Variants in SNX29 observed in about 807,000 individuals in gnomAD.
SNX29 encodes the protein sorting nexin 29.
Under a neutral mutation model 102.1 loss-of-function variants are expected in SNX29, and 78 were observed. The ratio of observed to expected loss-of-function variants is 0.76; its 90% CI spans 0.64 to 0.92. The LOEUF (loss-of-function observed/expected upper bound fraction) is 0.92, where lower values mean the gene tolerates loss of function less well. Among genes scored for constraint, SNX29 ranks in the 40% least tolerant of loss-of-function variants. SNX29 has a pLI of 0.00. For synonymous variants in SNX29, 580 were observed against 414.5 expected (o/e 1.40, Z -4.85); for missense variants, 1,280 against 1,061.7 (o/e 1.21, Z -2.86).
At chr16:12,346,070 A>C (rs1009467124) in intron 15 of SNX29, among the ~76,000 whole-genome samples, 1 of 148,654 alleles carries the variant, frequency 6.7e-6, no homozygotes, top group South Asian at 2.1e-4. Flanking sequence ...TAGTTTGTAA[A>C]TGTTATTGAA....
intron 20 of SNX29, among the ~76,000 whole-genome samples, chr16:12,564,348 T>C (rs2078899629): frequency 6.6e-6 from 1 of 152,208 alleles, no homozygotes; most frequent in African/African-American, 2.4e-5. Flanking sequence ...CATTTCAGGA[T>C]GTCAAAGGAG....
At position 12,571,665 on chromosome 16, in the gene SNX29, G is replaced by T; in HGVS notation, c.*3036G>T. 1 of 1,059,320 alleles carries T rather than the reference G, an allele frequency of 9.4e-7. No homozygotes were observed. Among genetic ancestry groups the T allele is most frequent in the East Asian group, 5.2e-5 (1 of 19,318 alleles). 65.6% of individuals were successfully genotyped at this position (1,059,320 alleles called of 1,614,324 possible). ...TGAAAGACGACTCAGGAACGGTAGG[G>T]CTGGGCAGAGGTGTCTCTCCTTGAG... On this transcript the variant is annotated 3_prime_UTR_variant, in exon 21 of 21. Transcript: ENST00000566228.
chr16:12,142,789 C>A (rs550210007), intron 13 of SNX29, among the ~76,000 whole-genome samples: 1 of 152,106 alleles, frequency 6.6e-6, no homozygotes, highest in South Asian at 2.1e-4. Context: ...TCTCAAACTC[C>A]TGACCTCAGG....
chr16:12,216,699 C>T (rs1156743214), intron 14 of SNX29, among the ~76,000 whole-genome samples: 1 of 152,154 alleles, frequency 6.6e-6, no homozygotes, highest in Non-Finnish European at 1.5e-5. Flanking sequence ...ACATTGCCTG[C>T]CCATGTGCCC....
chr16:12,481,938 A>G (rs1305016158), intron 19 of SNX29, among the ~76,000 whole-genome samples: 1 of 152,236 alleles, frequency 6.6e-6, no homozygotes, highest in African/African-American at 2.4e-5. Flanking sequence ...TGCTGAGGAC[A>G]CATCTTAGTG....
chr16:12,426,759 G>A (rs1200107829), intron 18 of SNX29, among the ~76,000 whole-genome samples: 8 of 152,116 alleles, frequency 5.3e-5, no homozygotes, highest in South Asian at 2.1e-4. Context: ...TCTGCCTCCC[G>A]GGTTCAAGCG....
In SNX29 at chr16:12,167,743, C is replaced by T. The variant is rs148686571; in HGVS notation, c.1596-31858C>T. Among the ~76,000 whole-genome samples the T allele has an allele frequency of 1.7e-3, 252 of 152,218 alleles. 2 individuals are homozygous for T. The highest frequency in any genetic ancestry group is 6.8e-3 in the Middle Eastern group (2 of 294). ...TCATCACTTGTTGAAGGTAACAAGC[C>T]GGGGAGTGAATGAGCCAGGATCCAG... On this transcript the variant is annotated intron_variant, in intron 13 of 20. Coordinates refer to ENST00000566228, the MANE Select transcript of SNX29 (RefSeq NM_032167.5).
chr16:12,361,030 C>T (rs1362940299), intron 16 of SNX29, among the ~76,000 whole-genome samples: 2 of 152,206 alleles, frequency 1.3e-5, no homozygotes, highest in Non-Finnish European at 2.9e-5. Flanking sequence ...TACCCATTTC[C>T]ACCAGCCAAG....
rs185130003 is a variant in SNX29 at position 12,299,996 on chromosome 16, G to C, written c.1782+21960G>C. Among the ~76,000 whole-genome samples, 169 of 152,136 alleles carry C rather than the reference G, an allele frequency of 1.1e-3. 1 individual carries two copies. The highest frequency in any genetic ancestry group is 0.01 in the Middle Eastern group (3 of 294). The stretch of plus-strand genomic sequence containing the variant: ...AGCGATTCTCCTGCCTCAGCCTCCT[G>C]AGTAGCTGGGACCACAGGTGCCTGC... On this transcript the variant is annotated intron_variant, in intron 15 of 20. Coordinates refer to ENST00000566228, the MANE Select transcript of SNX29 (RefSeq NM_032167.5).
At chr16:12,444,842 GTTTTTTTT>G (rs34218008) in intron 18 of SNX29, among the ~76,000 whole-genome samples, 1 of 132,606 alleles carries the variant, frequency 7.5e-6, no homozygotes, top group African/African-American at 2.9e-5. Flanking sequence ...GTTTTTTTTT[GTTTTTTTT>G]TTTTTTTGAG....
chr16:12,480,642 C>G (rs1038638494), intron 19 of SNX29, among the ~76,000 whole-genome samples: 1 of 152,202 alleles, frequency 6.6e-6, no homozygotes, highest in Non-Finnish European at 1.5e-5. Context: ...CATGCTTTCT[C>G]TGCAGCCTCA....
chr16:12,246,335 C>T (rs1369736859), intron 14 of SNX29, among the ~76,000 whole-genome samples: 1 of 151,926 alleles, frequency 6.6e-6, no homozygotes, highest in East Asian at 1.9e-4. Flanking sequence ...CCCTCAATGT[C>T]TGCATGAAAA....
intron 18 of SNX29, among the ~76,000 whole-genome samples, chr16:12,439,444 G>C (rs1244700784): frequency 2.0e-5 from 3 of 152,066 alleles, no homozygotes; most frequent in South Asian, 4.1e-4. Context: ...TTACAAAAGA[G>C]GTTGAATGGA....
chr16:12,207,171 C>G (rs559147660), intron 14 of SNX29, among the ~76,000 whole-genome samples: 12 of 152,154 alleles, frequency 7.9e-5, no homozygotes, highest in African/African-American at 2.9e-4. Context: ...GAGTTCAAAA[C>G]CAGCCAGACC....
intron 1 of SNX29, among the ~76,000 whole-genome samples, chr16:11,994,180 C>G (rs1285076444): frequency 2.0e-5 from 3 of 152,126 alleles, no homozygotes; most frequent in Non-Finnish European, 4.4e-5. Context: ...CTGACTTTCC[C>G]GTGCACATGA....
intron 8 of SNX29, among the ~76,000 whole-genome samples, chr16:12,059,416 C>G (rs1486133028): frequency 5.9e-5 from 9 of 152,254 alleles, no homozygotes; most frequent in African/African-American, 2.4e-5. Context: ...AGGTTGGGCT[C>G]CTGCCAGGAC....
At chr16:12,541,460 G>A (rs889522026) in intron 20 of SNX29, among the ~76,000 whole-genome samples, 1 of 152,142 alleles carries the variant, frequency 6.6e-6, no homozygotes, top group African/African-American at 2.4e-5. Context: ...CACGCTTAGT[G>A]CTTGATGGAG....
rs376134972 is a variant in SNX29, at chr16:12,124,211, C to G, written c.1403-2422C>G. The stretch of plus-strand genomic sequence containing the variant: ...TCTCTACTAAAAATACAAAAATTAG[C>G]CAGGCGTGGTGGCAGGCGCCTGTAA... On this transcript the variant is annotated intron_variant, in intron 11 of 20. Coordinates refer to ENST00000566228, the MANE Select transcript of SNX29 (RefSeq NM_032167.5). Among the ~76,000 whole-genome samples, 444 of 152,194 alleles carry G rather than the reference C, an allele frequency of 2.9e-3. 1 individual carries two copies. The highest frequency in any genetic ancestry group is 0.01 in the African/African-American group (420 of 41,520).
intron 20 of SNX29, among the ~76,000 whole-genome samples, chr16:12,556,028 A>T (rs1038639440): frequency 6.6e-6 from 1 of 152,136 alleles, no homozygotes; most frequent in South Asian, 2.1e-4. Context: ...ATGCCATGCC[A>T]CCGTAGTGCT....
Sources: gnomAD v4.1 joint callset for allele counts (sites outside exome capture counted in the v4.1 genomes callset) on GRCh38, gnomAD v4.1.1 for gene constraint, MANE v1.5 for transcripts, NCBI Gene and HGNC (gene_info 2026-07-23, HGNC 2026-07-21) for gene names.